ANKEF1: variants seen among roughly 807,000 people sequenced by gnomAD.
ANKEF1 encodes ankyrin repeat and EF-hand domain containing 1.
Under a neutral mutation model 65.1 loss-of-function variants are expected in ANKEF1, and 43 were observed. The ratio of observed to expected loss-of-function variants is 0.66; its 90% CI spans 0.52 to 0.85. ANKEF1 has a LOEUF of 0.85. Among genes scored for constraint, ANKEF1 ranks in the 40% least tolerant of loss-of-function variants. The pLI is 0.00. For missense variants in ANKEF1, 934 were observed against 952.9 expected, an observed-to-expected ratio of 0.98 and a Z score of 0.26; for synonymous variants, 316 against 341.5, an observed-to-expected ratio of 0.93 and a Z score of 0.82.
intron 4 of ANKEF1, among the ~76,000 whole-genome samples, chr20:10,043,754 G>A (rs1051162018): frequency 6.9e-6 from 1 of 145,212 alleles, no homozygotes; most frequent in Admixed American, 7.1e-5. Flanking sequence ...TGCCTCTCAG[G>A]TTCAAGCAAT....
chr20:10,045,491 G>A, intron 5 of ANKEF1, 83 bp from the exon 6 acceptor site: 6 of 1,411,014 alleles, frequency 4.3e-6, no homozygotes, highest in Non-Finnish European at 6.0e-6. Context: ...ATATTGTACT[G>A]GATAGTGCCG....
At position 10,051,942 on chromosome 20, in the gene ANKEF1, G is replaced by A. The variant is rs573580151; in HGVS notation, c.1870+53G>A. The A allele has an allele frequency of 7.4e-6, 10 of 1,353,520 alleles. No homozygotes were observed. In the African/African-American group the frequency reaches 1.3e-4, roughly 18 times the overall value. 83.8% of individuals were successfully genotyped at this position (1,353,520 alleles called of 1,614,324 possible). A position where few individuals can be genotyped will look rare whatever the true frequency, so the allele number is the denominator to read the frequency against. On this transcript the variant is annotated intron_variant, in intron 8 of 10. Coordinates refer to ENST00000378392, the MANE Select transcript of ANKEF1 (RefSeq NM_022096.6). ...GGTTAGAAAAGGAGAACTTATGTTA[G>A]ATTCTAAGCCCCTTCTGATTCTATT...
At chr20:10,035,978 G>A (rs570992900) in intron 2 of ANKEF1, among the ~76,000 whole-genome samples, 16 of 152,356 alleles carry the variant, frequency 1.1e-4, no homozygotes, top group Middle Eastern at 6.8e-3. Context: ...CTGGGGAAAA[G>A]TACAGGTGTG....
rs1985106601 is a variant in ANKEF1, at chr20:10,055,606, T to A, written c.2277T>A (p.Phe759Leu). The A allele has an allele frequency of 1.2e-6, 2 of 1,613,706 alleles. No individual in the cohort carries two copies. Among genetic ancestry groups the A allele is most frequent in the Admixed American group, 3.3e-5 (2 of 59,956 alleles). Residue 759 changes from phenylalanine (F) to leucine (L), a missense_variant, in exon 11 of 11, where the codon TTT becomes TTA. Physicochemically the swap from Phe to Leu is conservative, Grantham distance 22. Coordinates refer to ENST00000378392, the MANE Select transcript of ANKEF1 (RefSeq NM_022096.6). Reference protein sequence around the residue: ...EVDFDDFMMPFQKNITEKARA... With the variant: ...EVDFDDFMMPLQKNITEKARA... Reference sequence around the variant, plus strand: ...ACTTCGACGATTTTATGATGCCTTTTCAGAAGAACATCACAGAGAAAGCTC... The same window carrying A: ...ACTTCGACGATTTTATGATGCCTTTACAGAAGAACATCACAGAGAAAGCTC...
intron 3 of ANKEF1, among the ~76,000 whole-genome samples, chr20:10,042,505 C>A (rs767993769): frequency 2.0e-5 from 3 of 152,104 alleles, no homozygotes; most frequent in Non-Finnish European, 2.9e-5. Flanking sequence ...GTGTAGTATG[C>A]TTTTGACATG....
intron 9 of ANKEF1, 134 bp from the exon 10 acceptor site, chr20:10,054,328 A>G: frequency 1.5e-6 from 1 of 653,488 alleles, no homozygotes; most frequent in Non-Finnish European, 2.4e-6. Context: ...ATACTATTTT[A>G]TCTCAAATTA....
chr20:10,043,244 T>C lies in ANKEF1; in HGVS notation c.469T>C (p.Cys157Arg). ...AGGAAAGCCAATATTCCTTAGAGCT[T>C]GTGAAGATGCACATGATGTTAAAGA... Reference protein sequence around the residue: ...YEGKPIFLRACEDAHDVKDVC... With the variant: ...YEGKPIFLRAREDAHDVKDVC... Residue 157 changes from cysteine (C) to arginine (R), a missense_variant, in exon 4 of 11, where the codon TGT becomes CGT. Physicochemically the swap from Cys to Arg is radical, Grantham distance 180 (BLOSUM62 -3). Coordinates refer to ENST00000378392, the MANE Select transcript of ANKEF1 (RefSeq NM_022096.6). 6.2e-7 allele frequency: 1 copy of C among 1,614,202 alleles called. No individual in the cohort carries two copies. Among genetic ancestry groups the C allele is most frequent in the Non-Finnish European group, 8.5e-7 (1 of 1,180,028 alleles).
At chr20:10,050,313 T>TTA in intron 7 of ANKEF1, 101 bp downstream of exon 7, 2 of 911,666 alleles carry the variant, frequency 2.2e-6, no homozygotes, top group Non-Finnish European at 3.3e-6. Context: ...AAGTGCTACT[T>TTA]TATTAAAGTC....
At chr20:10,050,773 G>C (rs1006530286) in intron 7 of ANKEF1, among the ~76,000 whole-genome samples, 5 of 152,152 alleles carry the variant, frequency 3.3e-5, no homozygotes, top group African/African-American at 4.8e-5. Flanking sequence ...CACCTAGATG[G>C]TGTGGAGTCA....
At chr20:10,044,567 A>C in intron 5 of ANKEF1, 24 bp downstream of exon 5, 1 of 1,609,534 alleles carries the variant, frequency 6.2e-7, no homozygotes, top group Non-Finnish European at 8.5e-7. Flanking sequence ...CTTTGCTTTA[A>C]AATTTGTTGC....
chr20:10,050,475 A>G (rs1173490910), intron 7 of ANKEF1, among the ~76,000 whole-genome samples: 1 of 152,236 alleles, frequency 6.6e-6, no homozygotes, highest in African/African-American at 2.4e-5. Flanking sequence ...GTATGTGTTC[A>G]TATTACTGAT....
At position 10,044,552 on chromosome 20, in the gene ANKEF1, C is replaced by A. The variant is rs773019003; in HGVS notation, c.696+9C>A. Reference sequence around the variant, plus strand: ...AAGGAGGCTTTTTCGATGTAATAATCTATTCTTTGCTTTAAAATTTGTTGC... The same window carrying A: ...AAGGAGGCTTTTTCGATGTAATAATATATTCTTTGCTTTAAAATTTGTTGC... On this transcript the variant is annotated intron_variant, in intron 5 of 10. Coordinates refer to ENST00000378392, the MANE Select transcript of ANKEF1 (RefSeq NM_022096.6). 8.1e-6 allele frequency: 13 copies of A among 1,610,892 alleles called. No homozygotes were observed. In the South Asian group the frequency reaches 9.9e-5, roughly 12 times the overall value.
rs763850839 is a variant in ANKEF1 at position 10,038,425 on chromosome 20, T to C, written c.124T>C (p.Tyr42His). ...GCTTGGATACCCTGAACTAATCAAT[T>C]ATACAGAACCCATTAATGGACTTAG... ...TKLGYPELIN[Y>H]TEPINGLSAL... Residue 42 changes from tyrosine to histidine, a missense_variant, in exon 3 of 11, where the codon TAT (tyrosine) becomes CAT (histidine). Physicochemically the swap from Tyr to His is moderately conservative, Grantham distance 83 (BLOSUM62 2). Transcript: ENST00000378392. The C allele has an allele frequency of 1.2e-6, 2 of 1,614,046 alleles. No homozygotes were observed. The highest frequency in any genetic ancestry group is 4.5e-5 in the East Asian group (2 of 44,882).
chr20:10,039,334 A>G (rs1275908059), intron 3 of ANKEF1, among the ~76,000 whole-genome samples: 2 of 152,184 alleles, frequency 1.3e-5, no homozygotes, highest in Non-Finnish European at 2.9e-5. Context: ...AAAATAACTG[A>G]GATAATTACC....
intron 9 of ANKEF1, among the ~76,000 whole-genome samples, chr20:10,053,970 A>C (rs1314749102): frequency 6.6e-6 from 1 of 152,200 alleles, no homozygotes; most frequent in African/African-American, 2.4e-5. Flanking sequence ...GCTTTTCTTA[A>C]GGGAGCAGAA....
intron 3 of ANKEF1, among the ~76,000 whole-genome samples, chr20:10,039,066 G>A (rs1414488776): frequency 6.6e-6 from 1 of 152,178 alleles, no homozygotes; most frequent in Non-Finnish European, 1.5e-5. Context: ...CCCCTCAATA[G>A]CAGTCTGATG....
rs1555773774 is a variant in ANKEF1, at chr20:10,056,496, T to TAGATGATAGATAGATAGATAGATAGATA, written c.*836_*837insAGATGATAGATAGATAGATAGATAGATA. The TAGATGATAGATAGATAGATAGATAGATA allele has an allele frequency of 7.0e-6, 1 of 143,714 alleles. No homozygotes were observed. Among genetic ancestry groups the TAGATGATAGATAGATAGATAGATAGATA allele is most frequent in the African/African-American group, 2.6e-5 (1 of 38,022 alleles). 8.9% of individuals were successfully genotyped at this position (143,714 alleles called of 1,614,324 possible). A position where few individuals can be genotyped will look rare whatever the true frequency, so the allele number is the denominator to read the frequency against. ...GATAGATGATAGATAGATAGATAGATGATAGATAGATAGATAGATAGATAG... is the reference window on the plus strand; with the variant it reads ...GATAGATGATAGATAGATAGATAGATAGATGATAGATAGATAGATAGATAGATAGATAGATAGATAGATAGATAGATAG... On this transcript the variant is annotated 3_prime_UTR_variant, in exon 11 of 11. Transcript: ENST00000378392.
rs772282364 is a variant in ANKEF1 at position 10,049,345 on chromosome 20, A to G, written c.821-45A>G. ...GGATGAGTGTCACTTATAGCCATGC[A>G]AATGCCTTGGCACCATTCATAATTA... On this transcript the variant is annotated intron_variant, in intron 6 of 10. Transcript: ENST00000378392. The G allele has an allele frequency of 2.6e-6, 4 of 1,525,664 alleles. No homozygotes were observed. The East Asian group carries it at 9.0e-5, about 34-fold the overall frequency. 94.5% of individuals were successfully genotyped at this position (1,525,664 alleles called of 1,614,324 possible).
chr20:10,053,967 T>C (rs1985008809), intron 9 of ANKEF1, among the ~76,000 whole-genome samples: 1 of 152,136 alleles, frequency 6.6e-6, no homozygotes, highest in Non-Finnish European at 1.5e-5. Context: ...GAAGCTTTTC[T>C]TAAGGGAGCA....
Sources: gnomAD v4.1 joint callset for allele counts (sites outside exome capture counted in the v4.1 genomes callset) on GRCh38, gnomAD v4.1.1 for gene constraint, MANE v1.5 for transcripts, NCBI Gene and HGNC (gene_info 2026-07-23, HGNC 2026-07-21) for gene names.